GUCY1A2: variants seen among roughly 807,000 people sequenced by gnomAD.
GUCY1A2 encodes guanylate cyclase soluble subunit alpha-2.
A neutral mutation model predicts 63.5 loss-of-function variants in GUCY1A2; 27 were observed. The ratio of observed to expected loss-of-function variants is 0.43; its 90% CI spans 0.31 to 0.59. The LOEUF is 0.59. GUCY1A2 is among the 20% of genes least tolerant of loss of function. The pLI is 0.11. For synonymous variants in GUCY1A2, 364 were observed against 343.5 expected (o/e 1.06, Z -0.66); for missense variants, 768 against 913.3 (o/e 0.84, Z 2.05).
chr11:106,709,604 T>C (rs1208034659), intron 6 of GUCY1A2, among the ~76,000 whole-genome samples: 1 of 66,308 alleles, frequency 1.5e-5, no homozygotes, highest in African/African-American at 4.1e-5. Flanking sequence ...TAATATATAG[T>C]TATATATTAT....
chr11:106,923,958 G>C (rs1431706747), intron 4 of GUCY1A2, among the ~76,000 whole-genome samples: 1 of 152,046 alleles, frequency 6.6e-6, no homozygotes, highest in African/African-American at 2.4e-5. Context: ...TCCATCTATT[G>C]AGATAAACCA....
chr11:106,983,940 AG>A (rs1861369326), intron 2 of GUCY1A2, among the ~76,000 whole-genome samples: 1 of 152,248 alleles, frequency 6.6e-6, no homozygotes. Flanking sequence ...AACAACATAC[AG>A]CTGTAAACAC....
At chr11:106,893,273 T>C (rs1859998622) in intron 4 of GUCY1A2, among the ~76,000 whole-genome samples, 2 of 152,274 alleles carry the variant, frequency 1.3e-5, no homozygotes, top group Non-Finnish European at 1.5e-5. Context: ...TAAAGGCAAG[T>C]AGCACATATC....
chr11:106,925,103 TA>T (rs771323606), intron 4 of GUCY1A2, among the ~76,000 whole-genome samples: 8 of 152,086 alleles, frequency 5.3e-5, no homozygotes, highest in African/African-American at 9.7e-5. Flanking sequence ...CTTATCAGGT[TA>T]ATTTGCATTC....
rs1456949528 is a variant in GUCY1A2 at position 106,973,938 on chromosome 11, AG to A, written c.487+4680del. 2.0e-5 allele frequency among the ~76,000 whole-genome samples: 3 copies of A among 152,230 alleles called. No individual in the cohort carries two copies. The East Asian group carries it at 5.8e-4, about 29-fold the overall frequency. ...CTCATTTAATCGTCTTGGCAACTCT[AG>A]GAAGTGTGCAATTATATTATCTCCA... is the stretch of plus-strand genomic sequence containing the variant. On this transcript the variant is annotated intron_variant, in intron 3 of 7. Transcript: ENST00000526355.
At chr11:106,818,359 G>C (rs1858858285) in intron 4 of GUCY1A2, among the ~76,000 whole-genome samples, 2 of 152,152 alleles carry the variant, frequency 1.3e-5, no homozygotes, top group South Asian at 4.2e-4. Flanking sequence ...TGTGATCAGT[G>C]ATCCTTGATG....
intron 3 of GUCY1A2, among the ~76,000 whole-genome samples, chr11:106,954,819 C>T (rs984940351): frequency 5.3e-5 from 8 of 152,080 alleles, no homozygotes; most frequent in Admixed American, 3.3e-4. Context: ...ACTAGGATTG[C>T]AACCCCTGCT....
chr11:106,990,485 G>C (rs917699591), intron 1 of GUCY1A2, among the ~76,000 whole-genome samples: 11 of 152,272 alleles, frequency 7.2e-5, no homozygotes, highest in Non-Finnish European at 1.3e-4. Flanking sequence ...GGCTCAGACA[G>C]TCCCGCTGAG....
intron 6 of GUCY1A2, among the ~76,000 whole-genome samples, chr11:106,744,244 C>CT (rs5794491): frequency 0.063 from 7,157 of 112,746 alleles, 782 homozygotes; most frequent in African/African-American, 0.2. Context: ...AACATAAATG[C>CT]TTTTTTTTTT....
intron 1 of GUCY1A2, among the ~76,000 whole-genome samples, chr11:107,004,879 C>G (rs1206962452): frequency 6.6e-6 from 1 of 152,116 alleles, no homozygotes; most frequent in Non-Finnish European, 1.5e-5. Context: ...CAAAATGATG[C>G]TTGCTTAGCA....
intron 7 of GUCY1A2, among the ~76,000 whole-genome samples, chr11:106,698,881 C>T (rs1038503323): frequency 6.6e-6 from 1 of 152,044 alleles, no homozygotes; most frequent in African/African-American, 2.4e-5. Flanking sequence ...TTTAATCAGT[C>T]AGTAGTGATT....
intron 6 of GUCY1A2, among the ~76,000 whole-genome samples, chr11:106,776,105 G>A (rs747261445): frequency 4.6e-5 from 7 of 151,936 alleles, no homozygotes; most frequent in Non-Finnish European, 8.8e-5. Flanking sequence ...TTTACTTCTT[G>A]GATTACCTCT....
chr11:106,988,055 T>G (rs1324715474), intron 1 of GUCY1A2, among the ~76,000 whole-genome samples: 1 of 152,172 alleles, frequency 6.6e-6, no homozygotes, highest in Non-Finnish European at 1.5e-5. Flanking sequence ...GGCACAAATG[T>G]TTCTACTCAT....
intron 6 of GUCY1A2, among the ~76,000 whole-genome samples, chr11:106,768,706 A>G (rs1398821666): frequency 6.6e-6 from 1 of 152,180 alleles, no homozygotes; most frequent in African/African-American, 2.4e-5. Flanking sequence ...ACGAAAAATT[A>G]TTGTACCAAG....
rs1486417379 is a variant in GUCY1A2, at chr11:106,677,229, T to A, written c.*10320A>T. ...GAAGGAAGATAGGAAGATAATTCAA[T>A]GGAAAAAAGAGGAGCTAAGCATGCT... On this transcript the variant is annotated 3_prime_UTR_variant, in exon 8 of 8. Coordinates refer to ENST00000526355, the MANE Select transcript of GUCY1A2 (RefSeq NM_000855.3). The A allele has an allele frequency of 4.5e-6, 1 of 220,302 alleles. No homozygotes were observed. Among genetic ancestry groups the A allele is most frequent in the Admixed American group, 5.8e-5 (1 of 17,280 alleles). 13.6% of individuals were successfully genotyped at this position (220,302 alleles called of 1,614,324 possible).
At chr11:106,708,976 T>C (rs1862970142) in intron 6 of GUCY1A2, among the ~76,000 whole-genome samples, 1 of 150,976 alleles carries the variant, frequency 6.6e-6, no homozygotes, top group Non-Finnish European at 1.5e-5. Context: ...TAATATGGTC[T>C]AACTTGAAAA....
intron 1 of GUCY1A2, among the ~76,000 whole-genome samples, chr11:106,986,479 C>G (rs1289940182): frequency 6.6e-6 from 1 of 152,144 alleles, no homozygotes; most frequent in Non-Finnish European, 1.5e-5. Context: ...AAACATGAGT[C>G]ACGGTTTTTC....
At chr11:106,764,601 C>A (rs140512796) in intron 6 of GUCY1A2, among the ~76,000 whole-genome samples, 148 of 152,078 alleles carry the variant, frequency 9.7e-4, no homozygotes, top group Non-Finnish European at 1.5e-3. Flanking sequence ...AAAATATACA[C>A]ATACATGTAA....
intron 5 of GUCY1A2, among the ~76,000 whole-genome samples, chr11:106,779,605 G>C (rs1016581646): frequency 2.6e-5 from 4 of 151,870 alleles, no homozygotes; most frequent in Admixed American, 2.6e-4. Flanking sequence ...ATCACTTCCT[G>C]AAATGTCTAT....
Sources: gnomAD v4.1 joint callset for allele counts (sites outside exome capture counted in the v4.1 genomes callset) on GRCh38, gnomAD v4.1.1 for gene constraint, MANE v1.5 for transcripts, NCBI Gene and HGNC (gene_info 2026-07-23, HGNC 2026-07-21) for gene names.